NPAS3: variants seen among roughly 807,000 people sequenced by gnomAD.
The protein encoded by NPAS3 is neuronal PAS domain protein 3.
In NPAS3, 14 loss-of-function variants were observed where a neutral mutation model predicts 73.1. The observed-to-expected ratio is 0.19, with a 90% CI of 0.13 to 0.30. NPAS3 has a LOEUF of 0.30. Among genes scored for constraint, NPAS3 ranks in the 10% least tolerant of loss-of-function variants. The probability of loss-of-function intolerance (pLI) is 1.00; values close to 1 mark genes in which losing one functional copy is unlikely to be tolerated. For missense variants in NPAS3, 1,096 were observed against 1,250.0 expected (o/e 0.88, Z 1.86); for synonymous variants, 620 against 541.5 (o/e 1.14, Z -2.01).
chr14:33,396,062 G>C (rs1214995675), intron 4 of NPAS3, among the ~76,000 whole-genome samples: 2 of 152,100 alleles, frequency 1.3e-5, no homozygotes, highest in African/African-American at 2.4e-5. Context: ...CTTTGACTTG[G>C]GCTTGTTTCA....
At chr14:33,514,137 A>G (rs2053190433) in intron 4 of NPAS3, among the ~76,000 whole-genome samples, 1 of 152,038 alleles carries the variant, frequency 6.6e-6, no homozygotes, top group Non-Finnish European at 1.5e-5. Flanking sequence ...CCATGTCTGC[A>G]TTATTGTCTG....
chr14:32,974,860 A>G (rs2139346543), intron 1 of NPAS3, among the ~76,000 whole-genome samples: 1 of 152,332 alleles, frequency 6.6e-6, no homozygotes, highest in Non-Finnish European at 1.5e-5. Context: ...AGACTATACT[A>G]GAAAGGTCTA....
intron 5 of NPAS3, among the ~76,000 whole-genome samples, chr14:33,566,884 C>T (rs2055975567): frequency 6.6e-6 from 1 of 152,180 alleles, no homozygotes; most frequent in Non-Finnish European, 1.5e-5. Flanking sequence ...TGACATAAGG[C>T]CCAGAAAACA....
At chr14:32,996,223 A>G (rs1163510636) in intron 1 of NPAS3, among the ~76,000 whole-genome samples, 1 of 152,224 alleles carries the variant, frequency 6.6e-6, no homozygotes, top group Non-Finnish European at 1.5e-5. Flanking sequence ...GAAATTTCTA[A>G]GCAGAAAGCA....
rs148197491 is a variant in NPAS3, at chr14:33,675,545, A to AAAAC, written c.559-663_559-660dup. ...CTATGTATCCTATTAGATTGAAGGC[A>AAAAC]AAACAAGCTGATTGCAGCAGAAAAA... On this transcript the variant is annotated intron_variant, in intron 5 of 11. Transcript: ENST00000356141. Among the ~76,000 whole-genome samples the AAAAC allele has an allele frequency of 4.2e-3, 639 of 152,348 alleles. 30 individuals are homozygous for AAAAC. The East Asian group carries it at 0.11, about 26-fold the overall frequency.
intron 4 of NPAS3, among the ~76,000 whole-genome samples, chr14:33,375,642 A>G (rs2046281872): frequency 6.6e-6 from 1 of 152,172 alleles, no homozygotes; most frequent in Non-Finnish European, 1.5e-5. Flanking sequence ...AAAGAATGAA[A>G]AAGAAAAGTA....
At chr14:33,176,586 AC>A (rs1417375785) in intron 2 of NPAS3, among the ~76,000 whole-genome samples, 1 of 152,192 alleles carries the variant, frequency 6.6e-6, no homozygotes, top group Non-Finnish European at 1.5e-5. Flanking sequence ...ATTCTACTGT[AC>A]GTAAATGCCA....
chr14:33,697,333 A>G (rs1298335637), intron 6 of NPAS3, among the ~76,000 whole-genome samples: 1 of 152,250 alleles, frequency 6.6e-6, no homozygotes, highest in East Asian at 1.9e-4. Context: ...CTTACATAAC[A>G]GAGAAGAATA....
At chr14:33,598,500 C>T (rs192254053) in intron 5 of NPAS3, among the ~76,000 whole-genome samples, 9 of 152,180 alleles carry the variant, frequency 5.9e-5, no homozygotes, top group East Asian at 1.9e-4. Context: ...TCTCTCAATC[C>T]GAGCAGTAGG....
rs142430374 is a variant in NPAS3 at position 33,501,833 on chromosome 14, G to A, written c.469-58288G>A. Reference sequence around the variant, plus strand: ...TCTGTGTTGGACTTTCATGTGCTAGGTGTCACAGTCTCAGGAAGTTGTATG... The same window carrying A: ...TCTGTGTTGGACTTTCATGTGCTAGATGTCACAGTCTCAGGAAGTTGTATG... On this transcript the variant is annotated intron_variant, in intron 4 of 11. Transcript: ENST00000356141. 1.9e-3 allele frequency among the ~76,000 whole-genome samples: 286 copies of A among 151,988 alleles called. 2 individuals are homozygous for A. Among genetic ancestry groups the A allele is most frequent in the African/African-American group, 6.5e-3 (271 of 41,494 alleles).
chr14:33,055,802 T>TCTCATTA, intron 1 of NPAS3, 103 bp from the exon 2 acceptor site: 1 of 574,402 alleles, frequency 1.7e-6, no homozygotes. Context: ...CTCAAAAGCG[T>TCTCATTA]AAAAAGCAAA....
chr14:33,750,119 G>A (rs959836580), intron 7 of NPAS3, among the ~76,000 whole-genome samples: 3 of 151,998 alleles, frequency 2.0e-5, no homozygotes, highest in African/African-American at 7.2e-5. Flanking sequence ...ATACAGCTGT[G>A]ATATTGCAGA....
intron 4 of NPAS3, among the ~76,000 whole-genome samples, chr14:33,376,736 A>G (rs1366308956): frequency 1.3e-5 from 2 of 152,190 alleles, no homozygotes; most frequent in Non-Finnish European, 2.9e-5. Flanking sequence ...TTGTTCATTT[A>G]TTAACTGTGT....
At chr14:32,989,488 C>T (rs540662005) in intron 1 of NPAS3, among the ~76,000 whole-genome samples, 1 of 152,076 alleles carries the variant, frequency 6.6e-6, no homozygotes, top group East Asian at 1.9e-4. Flanking sequence ...ACTAAAAATA[C>T]AAAAAATTAG....
At chr14:32,983,410 C>G (rs1424931026) in intron 1 of NPAS3, among the ~76,000 whole-genome samples, 1 of 152,098 alleles carries the variant, frequency 6.6e-6, no homozygotes, top group Non-Finnish European at 1.5e-5. Flanking sequence ...TCCCACTATT[C>G]AGGGCAGGGC....
rs147193009 is a variant in NPAS3, at chr14:33,525,061, T to C, written c.469-35060T>C. 3.9e-5 allele frequency among the ~76,000 whole-genome samples: 6 copies of C among 152,314 alleles called. No individual in the cohort carries two copies. The East Asian group carries it at 1.2e-3, about 29-fold the overall frequency. ...AATTCAACCCATAATAGTACATTTT[T>C]AGCAAATGACTGACTAATCTCAAGG... On this transcript the variant is annotated intron_variant, in intron 4 of 11. Transcript: ENST00000356141.
At chr14:33,764,842 GTA>G (rs2062410434) in intron 7 of NPAS3, among the ~76,000 whole-genome samples, 1 of 152,226 alleles carries the variant, frequency 6.6e-6, no homozygotes, top group African/African-American at 2.4e-5. Flanking sequence ...TTGATCAGAT[GTA>G]TACAGTTCAG....
rs866783170 is a variant in NPAS3 at position 33,543,995 on chromosome 14, A to G, written c.469-16126A>G. On this transcript the variant is annotated intron_variant, in intron 4 of 11. Coordinates refer to ENST00000356141, the Ensembl canonical transcript of NPAS3. ...TATATATATATATATATATATATAT[A>G]TATATATCTATATCAGGAATAGGTG... 5.4e-4 allele frequency among the ~76,000 whole-genome samples: 66 copies of G among 121,446 alleles called. No homozygotes were observed. The East Asian group carries it at 0.013, about 24-fold the overall frequency. The allele number at this position is 121,446 out of a possible 152,430, so 79.7% of individuals were successfully genotyped here. A position where few individuals can be genotyped will look rare whatever the true frequency, so the allele number is the denominator to read the frequency against.
chr14:33,578,441 G>A (rs939084022), intron 5 of NPAS3: 6 of 343,518 alleles, frequency 1.7e-5, no homozygotes, highest in African/African-American at 4.4e-5. Flanking sequence ...TGATCTGCCC[G>A]CCTCAGCCTC....
Sources: gnomAD v4.1 joint callset for allele counts (sites outside exome capture counted in the v4.1 genomes callset) on GRCh38, gnomAD v4.1.1 for gene constraint, MANE v1.5 for transcripts, NCBI Gene and HGNC (gene_info 2026-07-23, HGNC 2026-07-21) for gene names.